The following AAGAB variants were observed in gnomAD, a reference collection of about 807,000 sequenced individuals.
AAGAB encodes the protein alpha and gamma adaptin binding protein.
A neutral mutation model predicts 44.1 loss-of-function variants in AAGAB; 38 were observed. The ratio of observed to expected loss-of-function variants is 0.86; its 90% CI spans 0.67 to 1.13. AAGAB has a LOEUF of 1.13. Among genes scored for constraint, AAGAB ranks in the 50% most tolerant of loss-of-function variants. The probability of loss-of-function intolerance (pLI) is 0.00; values close to 1 mark genes in which losing one functional copy is unlikely to be tolerated. For synonymous variants in AAGAB, 131 were observed against 131.8 expected (o/e 0.99, Z 0.04); for missense variants, 450 against 373.8 (o/e 1.20, Z -1.68).
chr15:67,251,421 T>C (rs993438909), intron 1 of AAGAB, among the ~76,000 whole-genome samples: 6 of 152,100 alleles, frequency 3.9e-5, no homozygotes, highest in Non-Finnish European at 8.8e-5. Flanking sequence ...TTTGTTAACA[T>C]TTTTATTTTT....
intron 5 of AAGAB, among the ~76,000 whole-genome samples, chr15:67,212,124 GC>G (rs1248536434): frequency 1.3e-5 from 2 of 152,064 alleles, no homozygotes; most frequent in Non-Finnish European, 2.9e-5. Flanking sequence ...CTCGTGATGC[GC>G]CCGCCTTGGC....
chr15:67,206,720 G>T (rs1480652686), intron 7 of AAGAB, among the ~76,000 whole-genome samples: 1 of 152,118 alleles, frequency 6.6e-6, no homozygotes, highest in East Asian at 1.9e-4. Context: ...GCTCTTTCAG[G>T]TTGGTCCCTA....
chr15:67,244,623 T>G (rs1374480945), intron 1 of AAGAB, among the ~76,000 whole-genome samples: 1 of 151,890 alleles, frequency 6.6e-6, no homozygotes, highest in Non-Finnish European at 1.5e-5. Flanking sequence ...CCCAGCATGG[T>G]GAAACCCTGT....
intron 1 of AAGAB, among the ~76,000 whole-genome samples, chr15:67,241,820 G>T (rs1964606634): frequency 6.6e-6 from 1 of 152,170 alleles, no homozygotes; most frequent in South Asian, 2.1e-4. Context: ...GTAGGTTACA[G>T]ATGCACTGAG....
At chr15:67,237,129 G>A (rs1418087525) in intron 1 of AAGAB, among the ~76,000 whole-genome samples, 1 of 152,128 alleles carries the variant, frequency 6.6e-6, no homozygotes, top group Non-Finnish European at 1.5e-5. Context: ...GCAAGTAGAA[G>A]ACAAAGAATG....
At position 67,254,640 on chromosome 15, in the gene AAGAB, T is replaced by G; in HGVS notation, c.-9A>C. The G allele has an allele frequency of 6.3e-7, 1 of 1,581,832 alleles. No individual in the cohort carries two copies. The highest frequency in any genetic ancestry group is 1.1e-5 in the South Asian group (1 of 87,546). On this transcript the variant is annotated 5_prime_UTR_variant, in exon 1 of 10. Transcript: ENST00000261880. ...GGTACGCCAGCAGCCATAGCTGCGC[T>G]CGCGAGCCGGTTCCGTCAGGCAGCC...
chr15:67,240,743 G>A (rs576934283), intron 1 of AAGAB, among the ~76,000 whole-genome samples: 2 of 152,162 alleles, frequency 1.3e-5, no homozygotes, highest in African/African-American at 4.8e-5. Context: ...CATATGGTAA[G>A]TTACAGGAAA....
intron 1 of AAGAB, among the ~76,000 whole-genome samples, chr15:67,250,589 C>G (rs1567034517): frequency 1.3e-5 from 2 of 152,176 alleles, no homozygotes; most frequent in Non-Finnish European, 2.9e-5. Context: ...AAATATTCAT[C>G]AGAATATACT....
chr15:67,214,691 A>AGT (rs941460136), intron 5 of AAGAB, among the ~76,000 whole-genome samples: 10 of 151,634 alleles, frequency 6.6e-5, no homozygotes, highest in African/African-American at 2.2e-4. Context: ...CCCAGGCTGG[A>AGT]GTGCAGTGGC....
chr15:67,214,326 T>C (rs564110421), intron 5 of AAGAB, among the ~76,000 whole-genome samples: 1 of 152,184 alleles, frequency 6.6e-6, no homozygotes, highest in Admixed American at 6.5e-5. Context: ...GCCCTATAAC[T>C]CCTTGAGGCA....
At chr15:67,244,408 T>C (rs555352061) in intron 1 of AAGAB, among the ~76,000 whole-genome samples, 41 of 152,226 alleles carry the variant, frequency 2.7e-4, no homozygotes, top group Middle Eastern at 3.4e-3. Flanking sequence ...AGCCACAGAA[T>C]AGGAGAAAAT....
chr15:67,215,272 A>G (rs569251585), intron 5 of AAGAB, among the ~76,000 whole-genome samples: 106 of 152,344 alleles, frequency 7.0e-4, no homozygotes, highest in African/African-American at 2.5e-3. Flanking sequence ...CCTCCAGCAT[A>G]GTGCTAAGTA....
At chr15:67,253,072 T>C (rs1660618808) in intron 1 of AAGAB, among the ~76,000 whole-genome samples, 1 of 152,222 alleles carries the variant, frequency 6.6e-6, no homozygotes. Flanking sequence ...ATGTTTACTA[T>C]GTGCCAGACT....
chr15:67,247,389 C>G (rs1032993503), intron 1 of AAGAB, among the ~76,000 whole-genome samples: 1 of 152,166 alleles, frequency 6.6e-6, no homozygotes, highest in Non-Finnish European at 1.5e-5. Flanking sequence ...AGAGAAAAGG[C>G]AGTAAGTTGT....
intron 1 of AAGAB, among the ~76,000 whole-genome samples, chr15:67,241,146 A>T (rs911039086): frequency 4.6e-5 from 7 of 152,142 alleles, no homozygotes; most frequent in Admixed American, 2.0e-4. Flanking sequence ...GCCAAAAAAG[A>T]CAAATGCATT....
At chr15:67,249,227 G>A (rs1964802614) in intron 1 of AAGAB, among the ~76,000 whole-genome samples, 1 of 152,056 alleles carries the variant, frequency 6.6e-6, no homozygotes, top group South Asian at 2.1e-4. Flanking sequence ...TAGAGATGGG[G>A]TTTCACTATG....
At position 67,208,656 on chromosome 15, in the gene AAGAB, T is replaced by A; in HGVS notation, c.621A>T (p.Gln207His). The A allele has an allele frequency of 6.2e-7, 1 of 1,613,566 alleles. No individual in the cohort carries two copies. Among genetic ancestry groups the A allele is most frequent in the Non-Finnish European group, 8.5e-7 (1 of 1,179,838 alleles). Residue 207 changes from glutamine to histidine, a missense_variant and splice_region_variant, in exon 7 of 10, where the codon CAA becomes CAT. By Grantham distance (24) the Gln-to-His change is conservative. Coordinates refer to ENST00000261880, the MANE Select transcript of AAGAB (RefSeq NM_024666.5). ...TACTATCTGCTGCTGGCAAATGGGG[T>A]TGCTGTTGAGGAAAATACACATAAG... ...IGSADPCHPEQPHLPAADSTE... is the reference protein window; with the variant it reads ...IGSADPCHPEHPHLPAADSTE...
chr15:67,212,783 A>T (rs1198896099), intron 5 of AAGAB, among the ~76,000 whole-genome samples: 2 of 152,192 alleles, frequency 1.3e-5, no homozygotes, highest in East Asian at 1.9e-4. Context: ...TATGGCTTTT[A>T]AAAAAATTCT....
intron 1 of AAGAB, 195 bp downstream of exon 1, chr15:67,254,364 G>A (rs1965008874): frequency 2.2e-6 from 3 of 1,376,196 alleles, no homozygotes; most frequent in Admixed American, 2.9e-5. Flanking sequence ...GAACGCCGAA[G>A]AAGGCCGAGT....
Sources: allele counts gnomAD v4.1 joint callset (sites outside exome capture counted in the v4.1 genomes callset), GRCh38; gene constraint gnomAD v4.1.1; transcripts MANE v1.5; gene names NCBI Gene and HGNC (gene_info 2026-07-23, HGNC 2026-07-21).